Variants in SCARA3 observed in about 807,000 individuals in gnomAD.
The protein encoded by SCARA3 is cellular stress response gene protein.
Under a neutral mutation model 47.0 loss-of-function variants are expected in SCARA3, and 39 were observed. The ratio of observed to expected loss-of-function variants is 0.83; its 90% CI spans 0.64 to 1.08. The LOEUF (loss-of-function observed/expected upper bound fraction) is 1.08, where lower values mean the gene tolerates loss of function less well. Ranked by LOEUF, SCARA3 falls within the 50% of genes least tolerant of loss-of-function variation. The pLI is 0.00. For synonymous variants in SCARA3, 356 were observed against 334.1 expected (o/e 1.07, Z -0.71); for missense variants, 724 against 792.3 (o/e 0.91, Z 1.04).
intron 4 of SCARA3, 39 bp from the exon 5 acceptor site, chr8:27,658,457 C>A: frequency 6.6e-7 from 1 of 1,523,056 alleles, no homozygotes. Flanking sequence ...CGTACCCTGG[C>A]CCTTCAGCAA....
downstream of SCARA3, among the ~76,000 whole-genome samples, chr8:27,677,689 G>A (rs909778123): frequency 3.5e-4 from 53 of 152,330 alleles, no homozygotes; most frequent in African/African-American, 1.1e-3. Flanking sequence ...GAACATTACT[G>A]TGGGCCAATT....
chr8:27,644,845 C>A (rs939172070), intron 1 of SCARA3, among the ~76,000 whole-genome samples: 1 of 152,110 alleles, frequency 6.6e-6, no homozygotes, highest in African/African-American at 2.4e-5. Flanking sequence ...CAAGAACCAG[C>A]GCCTTACTTT....
chr8:27,634,939 T>C (rs1333565368), intron 1 of SCARA3, among the ~76,000 whole-genome samples: 1 of 152,226 alleles, frequency 6.6e-6, no homozygotes, highest in Non-Finnish European at 1.5e-5. Flanking sequence ...ATTTTGAGGC[T>C]ACAGGAGAAG....
chr8:27,712,349 G>A, the SCARA3 span, among the ~76,000 whole-genome samples: 4 of 152,018 alleles, frequency 2.6e-5, no homozygotes, highest in South Asian at 8.3e-4. Flanking sequence ...GGATCACGAG[G>A]TCAGGAGATC....
At chr8:27,656,052 C>T (rs1020670046) in intron 3 of SCARA3, among the ~76,000 whole-genome samples, 3 of 152,198 alleles carry the variant, frequency 2.0e-5, no homozygotes, top group Non-Finnish European at 4.4e-5. Context: ...TAGCCCAATA[C>T]TAAGTCACAA....
At chr8:27,692,838 A>C in the SCARA3 span, among the ~76,000 whole-genome samples, 1 of 152,072 alleles carries the variant, frequency 6.6e-6, no homozygotes, top group Non-Finnish European at 1.5e-5. Flanking sequence ...GAAAATCTTA[A>C]TCTAGGCCGG....
the SCARA3 span, among the ~76,000 whole-genome samples, chr8:27,689,852 G>A: frequency 6.6e-6 from 1 of 152,146 alleles, no homozygotes; most frequent in African/African-American, 2.4e-5. Context: ...GGCTGGGCAC[G>A]GTGGCTCAAG....
At chr8:27,705,101 A>G in the SCARA3 span, among the ~76,000 whole-genome samples, 1 of 152,116 alleles carries the variant, frequency 6.6e-6, no homozygotes, top group Non-Finnish European at 1.5e-5. Context: ...CCTCCCTCAC[A>G]CTTTCCACCC....
chr8:27,657,824 G>A (rs191016661), intron 4 of SCARA3, among the ~76,000 whole-genome samples: 3 of 152,248 alleles, frequency 2.0e-5, no homozygotes, highest in Admixed American at 2.0e-4. Flanking sequence ...ACAGGCGTGA[G>A]CCACTGCACC....
At chr8:27,633,706 C>T (rs1461879994), upstream of SCARA3, among the ~76,000 whole-genome samples, 1 of 151,790 alleles carries the variant, frequency 6.6e-6, no homozygotes, top group African/African-American at 2.4e-5. Context: ...GTAGGCGGGG[C>T]GCGGGGCCCC....
Position 27,655,729 on chromosome 8 carries a change from A to G in SCARA3, c.227-1053A>G, listed in dbSNP as rs1359884085. ...AAGTTTTATTTATGAGCTCAGAAGA[A>G]GAGGTACTTTAAGTGTCCTCAACAG... On this transcript the variant is annotated intron_variant, in intron 3 of 5. Transcript: ENST00000301904. 2.6e-5 allele frequency among the ~76,000 whole-genome samples: 4 copies of G among 152,346 alleles called. No individual in the cohort carries two copies. In the East Asian group the frequency reaches 5.8e-4, roughly 22 times the overall value.
At chr8:27,640,410 A>G (rs1388054159) in intron 1 of SCARA3, among the ~76,000 whole-genome samples, 1 of 152,242 alleles carries the variant, frequency 6.6e-6, no homozygotes, top group African/African-American at 2.4e-5. Flanking sequence ...ACTTTGAGAC[A>G]TAGTCTCACT....
the SCARA3 span, among the ~76,000 whole-genome samples, chr8:27,693,176 C>T: frequency 6.6e-6 from 1 of 151,772 alleles, no homozygotes; most frequent in Non-Finnish European, 1.5e-5. Flanking sequence ...CACCTATGAC[C>T]TGAAACCCCT....
At chr8:27,727,270 C>T in the SCARA3 span, among the ~76,000 whole-genome samples, 4 of 152,314 alleles carry the variant, frequency 2.6e-5, no homozygotes, top group South Asian at 4.1e-4. Flanking sequence ...AGGCACCTTC[C>T]GCCCACATTT....
At position 27,634,103 on chromosome 8, in the gene SCARA3, C is replaced by G; in HGVS notation, c.-98C>G. 8.3e-7 allele frequency: 1 copy of G among 1,204,058 alleles called. No individual in the cohort carries two copies. The highest frequency in any genetic ancestry group is 1.1e-6 in the Non-Finnish European group (1 of 923,762). The allele number at this position is 1,204,058 out of a possible 1,614,324, so 74.6% of individuals were successfully genotyped here. ...CCACGGCCGCGGGCGGCGCCTAGGA[C>G]GGCGATCCGCGCCCTGGAGGATCCG... On this transcript the variant is annotated 5_prime_UTR_variant, in exon 1 of 6. Coordinates refer to ENST00000301904, the MANE Select transcript of SCARA3 (RefSeq NM_016240.3).
At chr8:27,633,656 T>C (rs1415622574), upstream of SCARA3, among the ~76,000 whole-genome samples, 1 of 152,052 alleles carries the variant, frequency 6.6e-6, no homozygotes, top group Non-Finnish European at 1.5e-5. Context: ...GAGCCCGGGT[T>C]CGAGGCTGGG....
At chr8:27,703,938 G>C in the SCARA3 span, 2 of 133,246 alleles carry the variant, frequency 1.5e-5, no homozygotes, top group African/African-American at 2.8e-5. Flanking sequence ...TTGATGAAAT[G>C]ATACACTACA....
chr8:27,695,104 G>C, the SCARA3 span, among the ~76,000 whole-genome samples: 1 of 152,186 alleles, frequency 6.6e-6, no homozygotes, highest in East Asian at 1.9e-4. Context: ...AGACCAGCCA[G>C]AATGGAGAGA....
At chr8:27,648,590 T>A (rs1801560794) in intron 1 of SCARA3, among the ~76,000 whole-genome samples, 1 of 151,364 alleles carries the variant, frequency 6.6e-6, no homozygotes, top group Non-Finnish European at 1.5e-5. Context: ...GGCGACACAG[T>A]GAGACTTTGT....
Sources: gnomAD v4.1 joint callset for allele counts (sites outside exome capture counted in the v4.1 genomes callset) on GRCh38, gnomAD v4.1.1 for gene constraint, MANE v1.5 for transcripts, NCBI Gene and HGNC (gene_info 2026-07-23, HGNC 2026-07-21) for gene names.